The following CHLSN variants were observed in gnomAD, a reference collection of about 807,000 sequenced individuals.
The protein encoded by CHLSN is protein cholesin.
At chr7:1,113,735 C>T in the CHLSN span, among the ~76,000 whole-genome samples, 1 of 152,196 alleles carries the variant, frequency 6.6e-6, no homozygotes, top group Non-Finnish European at 1.5e-5. Flanking sequence ...GACAGCGTGC[C>T]TCATCCCAAG....
chr7:1,028,364 C>T, the CHLSN span: 6 of 996,870 alleles, frequency 6.0e-6, no homozygotes, highest in East Asian at 3.4e-4. Flanking sequence ...AGCGCCTCCA[C>T]ACTGCGCATG....
At chr7:1,094,522 G>A in the CHLSN span, among the ~76,000 whole-genome samples, 2 of 152,336 alleles carry the variant, frequency 1.3e-5, no homozygotes, top group East Asian at 1.9e-4. Context: ...AAAAGAGCAG[G>A]GGGTGAACGG....
the CHLSN span, among the ~76,000 whole-genome samples, chr7:1,076,650 G>A: frequency 3.9e-5 from 6 of 152,400 alleles, no homozygotes; most frequent in East Asian, 3.9e-4. Flanking sequence ...GGGAAAAGCC[G>A]CAGAGGGAAG....
At chr7:984,150 C>T in the CHLSN span, among the ~76,000 whole-genome samples, 1 of 152,180 alleles carries the variant, frequency 6.6e-6, no homozygotes, top group African/African-American at 2.4e-5. Context: ...AGGGCTTGAG[C>T]CCCCCAGGAA....
At chr7:991,037 C>T in the CHLSN span, among the ~76,000 whole-genome samples, 29 of 152,178 alleles carry the variant, frequency 1.9e-4, no homozygotes, top group South Asian at 3.5e-3. Context: ...CCCGCCCTCC[C>T]GGCCCTGCAG....
the CHLSN span, chr7:1,091,607 G>A: frequency 1.2e-6 from 1 of 827,034 alleles, no homozygotes. Context: ...GGAGTTTCCT[G>A]TCTGACAAAT....
chr7:984,121 G>A, the CHLSN span, among the ~76,000 whole-genome samples: 3 of 152,290 alleles, frequency 2.0e-5, no homozygotes, highest in South Asian at 6.2e-4. Flanking sequence ...GCCAGCCCCC[G>A]ACCTTGCCGC....
chr7:1,007,902 C>T, the CHLSN span, among the ~76,000 whole-genome samples: 2 of 152,082 alleles, frequency 1.3e-5, no homozygotes, highest in African/African-American at 2.4e-5. Context: ...GGAGTCAGGG[C>T]GCCTCCAGGG....
chr7:1,112,932 C>T, the CHLSN span, among the ~76,000 whole-genome samples: 1 of 152,144 alleles, frequency 6.6e-6, no homozygotes, highest in South Asian at 2.1e-4. Flanking sequence ...ATTTACAGAG[C>T]TTTACTCACA....
the CHLSN span, among the ~76,000 whole-genome samples, chr7:1,095,636 G>A: frequency 9.8e-3 from 1,496 of 152,306 alleles, 18 homozygotes; most frequent in African/African-American, 0.034. Context: ...CACACGGAAC[G>A]TGGTCTGGTC....
chr7:1,020,873 C>G, the CHLSN span, among the ~76,000 whole-genome samples: 1 of 152,332 alleles, frequency 6.6e-6, no homozygotes, highest in South Asian at 2.1e-4. Context: ...GGCAATCAGG[C>G]CGTTTGTAAC....
At chr7:1,013,291 T>C in the CHLSN span, among the ~76,000 whole-genome samples, 1 of 152,240 alleles carries the variant, frequency 6.6e-6, no homozygotes, top group Admixed American at 6.5e-5. Flanking sequence ...CAAATACTTT[T>C]AACAAACTTG....
chr7:1,009,606 T>A, the CHLSN span, among the ~76,000 whole-genome samples: 6 of 152,142 alleles, frequency 3.9e-5, no homozygotes, highest in Admixed American at 2.6e-4. Context: ...CACCACGAGT[T>A]CCCTCCTCCT....
the CHLSN span, among the ~76,000 whole-genome samples, chr7:1,120,028 G>A: frequency 0.22 from 33,192 of 151,662 alleles, 4,112 homozygotes; most frequent in Middle Eastern, 0.36. Context: ...TCTTTCGGAA[G>A]AAAAAAACAG....
chr7:1,000,841 T>C, the CHLSN span, among the ~76,000 whole-genome samples: 17,432 of 152,190 alleles, frequency 0.11, 1,125 homozygotes, highest in African/African-American at 0.19. Flanking sequence ...CCCCACCCCA[T>C]GGGTCACACG....
the CHLSN span, among the ~76,000 whole-genome samples, chr7:992,287 G>A: frequency 7.2e-5 from 11 of 152,194 alleles, no homozygotes; most frequent in Non-Finnish European, 1.2e-4. Flanking sequence ...GCCCTCAGCC[G>A]TGCTGCACGT....
the CHLSN span, among the ~76,000 whole-genome samples, chr7:1,129,733 A>G: frequency 0.61 from 92,740 of 152,144 alleles, 29,962 homozygotes; most frequent in African/African-American, 0.84. Flanking sequence ...ATGAGCCACC[A>G]TGCCCAGCCC....
chr7:1,123,070 C>T, the CHLSN span, among the ~76,000 whole-genome samples: 3 of 152,214 alleles, frequency 2.0e-5, no homozygotes, highest in Non-Finnish European at 4.4e-5. The surrounding 1 kb of genome is among the most constrained non-coding windows in gnomAD (Gnocchi z 4.4). Flanking sequence ...AAACAACACC[C>T]AGAGCCGAGA....
chr7:1,020,569 C>T, the CHLSN span, among the ~76,000 whole-genome samples: 1 of 152,242 alleles, frequency 6.6e-6, no homozygotes, highest in Non-Finnish European at 1.5e-5. Context: ...GCCAACCCCT[C>T]CCAGACTGCA....
Sources: allele counts gnomAD v4.1 joint callset (sites outside exome capture counted in the v4.1 genomes callset), GRCh38; gene constraint gnomAD v4.1.1; non-coding constraint Gnocchi (gnomAD v3.1); transcripts MANE v1.5; gene names NCBI Gene and HGNC (gene_info 2026-07-23, HGNC 2026-07-21).